Variants in MEGF11 observed in about 807,000 individuals in gnomAD.
The protein encoded by MEGF11 is multiple epidermal growth factor-like domains protein 11.
In MEGF11, 126 loss-of-function variants were observed where a neutral mutation model predicts 146.6. The observed-to-expected ratio is 0.86, with a 90% CI of 0.74 to 1.00. MEGF11 has a LOEUF of 1.00. Ranked by LOEUF, MEGF11 falls within the 50% of genes least tolerant of loss-of-function variation. The pLI, the probability that MEGF11 is intolerant of heterozygous loss-of-function variation, is 0.00. For synonymous variants in MEGF11, 532 were observed against 583.4 expected (o/e 0.91, Z 1.27); for missense variants, 1,509 against 1,521.2 (o/e 0.99, Z 0.13).
At chr15:66,011,686 G>A (rs2082715617) in intron 5 of MEGF11, among the ~76,000 whole-genome samples, 1 of 151,214 alleles carries the variant, frequency 6.6e-6, no homozygotes, top group African/African-American at 2.4e-5. Context: ...CGCCCACAGT[G>A]CAAGCAGTGA....
chr15:65,895,779 C>T lies in MEGF11; in HGVS notation c.*2155G>A, dbSNP rs577685113. On this transcript the variant is annotated 3_prime_UTR_variant, in exon 26 of 26. Transcript: ENST00000395614. ...AAGGGTTAGTAGAGCTGTCTTCCCA[C>T]TCTCTGCTTCTCCCCTTTTTATGCA... 3 of 152,662 alleles carry T rather than the reference C, an allele frequency of 2.0e-5. No homozygotes were observed. The highest frequency in any genetic ancestry group is 1.3e-4 in the Admixed American group (2 of 15,300). 9.5% of individuals were successfully genotyped at this position (152,662 alleles called of 1,614,324 possible).
At chr15:66,018,862 A>G (rs1007878501) in intron 5 of MEGF11, among the ~76,000 whole-genome samples, 15 of 152,362 alleles carry the variant, frequency 9.8e-5, no homozygotes, top group African/African-American at 3.6e-4. Context: ...GGAAGCCAGA[A>G]TGAGATGTGT....
intron 1 of MEGF11, among the ~76,000 whole-genome samples, chr15:66,190,828 C>T (rs1478331646): frequency 6.6e-6 from 1 of 152,114 alleles, no homozygotes; most frequent in East Asian, 1.9e-4. Context: ...CCAGGAAGGG[C>T]CTAATTTGCA....
At chr15:66,036,098 C>T (rs1293220897) in intron 5 of MEGF11, among the ~76,000 whole-genome samples, 1 of 152,224 alleles carries the variant, frequency 6.6e-6, no homozygotes, top group Admixed American at 6.5e-5. Flanking sequence ...GCCAGAGGGG[C>T]CAGGAGCTGG....
chr15:66,101,699 CCCTCT>C (rs1305068091), intron 4 of MEGF11, among the ~76,000 whole-genome samples: 2 of 152,224 alleles, frequency 1.3e-5, no homozygotes, highest in African/African-American at 2.4e-5. Flanking sequence ...TGCAGAGGCT[CCCTCT>C]CCTCTCATCA....
intron 1 of MEGF11, among the ~76,000 whole-genome samples, chr15:66,230,538 C>G (rs766782052): frequency 1.3e-5 from 2 of 152,144 alleles, no homozygotes; most frequent in Non-Finnish European, 2.9e-5. Context: ...GCACTTTGAA[C>G]TTTAGGAATA....
In MEGF11 at chr15:65,930,868, C is replaced by T. The variant is rs1445876066; in HGVS notation, c.1363G>A (p.Gly455Ser). The T allele has an allele frequency of 1.2e-5, 20 of 1,611,538 alleles. No individual in the cohort carries two copies. In the Admixed American group the frequency reaches 3.2e-4, roughly 26 times the overall value. ...NCSSICSCNN[G>S]GTCSPVDGSC... is the part of the protein sequence containing the mutation. ...CCATCTACTGGGGAGCAGGTGCCAC[C>T]ATTGTTACAGCTACAGATGGACGAG... The change falls in exon 11 of 26, where the codon GGT becomes AGT. Residue 455 changes from glycine (G) to serine (S), a missense_variant. Gly to Ser is a moderately conservative substitution (Grantham distance 56). Transcript: ENST00000395614.
chr15:66,040,222 G>A (rs2083909501), intron 5 of MEGF11: 1 of 154,890 alleles, frequency 6.5e-6, no homozygotes, highest in African/African-American at 2.4e-5. Context: ...CAAAGTGAGT[G>A]GTTTAACAAT....
chr15:65,966,863 C>G (rs2081118185), intron 8 of MEGF11, among the ~76,000 whole-genome samples: 1 of 152,010 alleles, frequency 6.6e-6, no homozygotes, highest in Non-Finnish European at 1.5e-5. Context: ...CCCTTACCCC[C>G]ACCCTGGGCT....
At chr15:65,925,562 C>T (rs898689937) in intron 13 of MEGF11, among the ~76,000 whole-genome samples, 4 of 152,192 alleles carry the variant, frequency 2.6e-5, no homozygotes, top group African/African-American at 9.7e-5. Context: ...GGGAGGCTCC[C>T]AGCTGTAGTT....
chr15:66,250,766 G>A lies in MEGF11; in HGVS notation c.-9+2839C>T, dbSNP rs1479352006. On this transcript the variant is annotated intron_variant, in intron 1 of 25. Coordinates refer to ENST00000395614, the MANE Select transcript of MEGF11 (RefSeq NM_001385028.1). ...TACTAAAAATACAAAAATTAGCCTG[G>A]CATGGTGGCCCACACCTGTAGTCCC... Among the ~76,000 whole-genome samples the A allele has an allele frequency of 5.9e-5, 9 of 152,084 alleles. No homozygotes were observed. In the East Asian group the frequency reaches 1.7e-3, roughly 29 times the overall value.
At chr15:66,044,486 G>A (rs2140312044) in intron 5 of MEGF11, among the ~76,000 whole-genome samples, 1 of 152,214 alleles carries the variant, frequency 6.6e-6, no homozygotes, top group African/African-American at 2.4e-5. Flanking sequence ...ACCCCAGGAG[G>A]TGCCCATAAT....
chr15:66,220,447 A>G (rs1470760672), intron 1 of MEGF11, among the ~76,000 whole-genome samples: 3 of 151,830 alleles, frequency 2.0e-5, no homozygotes, highest in Non-Finnish European at 2.9e-5. Flanking sequence ...AGAGTGATGG[A>G]GAACAAATCT....
intron 5 of MEGF11, among the ~76,000 whole-genome samples, chr15:66,038,713 C>T (rs1031610554): frequency 1.3e-5 from 2 of 152,126 alleles, no homozygotes; most frequent in Non-Finnish European, 2.9e-5. Flanking sequence ...AGATACCAGG[C>T]TGAACCCCGG....
intron 5 of MEGF11, among the ~76,000 whole-genome samples, chr15:65,984,525 CAAAAAA>C (rs35017296): frequency 1.0e-3 from 51 of 49,518 alleles, no homozygotes; most frequent in African/African-American, 3.9e-3. Context: ...GACTCCGTGT[CAAAAAA>C]AAAAAAAAAA....
chr15:66,140,243 T>A (rs943812800), intron 1 of MEGF11, among the ~76,000 whole-genome samples: 7 of 152,228 alleles, frequency 4.6e-5, no homozygotes, highest in Non-Finnish European at 7.3e-5. Flanking sequence ...CTATTCATCA[T>A]ACTCCACTTC....
chr15:66,091,613 A>G (rs1597073986), intron 5 of MEGF11, among the ~76,000 whole-genome samples: 1 of 152,220 alleles, frequency 6.6e-6, no homozygotes, highest in Non-Finnish European at 1.5e-5. Flanking sequence ...TCCTTTGTAA[A>G]ATGGGGATAA....
At position 66,214,562 on chromosome 15, in the gene MEGF11, G is replaced by C. The variant is rs111817443; in HGVS notation, c.-9+39043C>G. ...AAGAAGGGGCAGGCCTCTGGGAGGAGAGAAGTGGTGGTTTGATTAATTGAG... is the reference window on the plus strand; with the variant it reads ...AAGAAGGGGCAGGCCTCTGGGAGGACAGAAGTGGTGGTTTGATTAATTGAG... On this transcript the variant is annotated intron_variant, in intron 1 of 25. Transcript: ENST00000395614. Among the ~76,000 whole-genome samples the C allele has an allele frequency of 9.6e-3, 1,463 of 152,322 alleles. 23 individuals carry two copies. Among genetic ancestry groups the C allele is most frequent in the African/African-American group, 0.033 (1,365 of 41,570 alleles).
At chr15:66,112,027 G>A (rs1422374900) in intron 4 of MEGF11, among the ~76,000 whole-genome samples, 3 of 151,586 alleles carry the variant, frequency 2.0e-5, no homozygotes, top group Non-Finnish European at 2.9e-5. Flanking sequence ...AATGTGTAGG[G>A]CCGCTGAACA....
Sources: gnomAD v4.1 joint callset for allele counts (sites outside exome capture counted in the v4.1 genomes callset) on GRCh38, gnomAD v4.1.1 for gene constraint, MANE v1.5 for transcripts, NCBI Gene and HGNC (gene_info 2026-07-23, HGNC 2026-07-21) for gene names.